Variants in APOL1 observed in about 807,000 individuals in gnomAD.
APOL1 encodes apolipoprotein L1.
A neutral mutation model predicts 14.9 loss-of-function variants in APOL1; 17 were observed. The ratio of observed to expected loss-of-function variants is 1.14; its 90% CI spans 0.78 to 1.71. The LOEUF (loss-of-function observed/expected upper bound fraction) is 1.71, where lower values mean the gene tolerates loss of function less well. Among genes scored for constraint, APOL1 ranks in the 40% most tolerant of loss-of-function variants. The pLI, the probability that APOL1 is intolerant of heterozygous loss-of-function variation, is 0.00. For synonymous variants in APOL1, 195 were observed against 184.8 expected (o/e 1.05, Z -0.45); for missense variants, 523 against 485.9 (o/e 1.08, Z -0.72).
At chr22:36,257,293 C>T (rs764858933) in intron 3 of APOL1, 26 bp from the exon 4 acceptor site, 21 of 1,612,118 alleles carry the variant, frequency 1.3e-5, no homozygotes, top group African/African-American at 8.0e-5. Context: ...ACATTTGATC[C>T]CACAATTTGT....
At chr22:36,258,898 C>A (rs932872776) in intron 4 of APOL1, among the ~76,000 whole-genome samples, 1 of 152,106 alleles carries the variant, frequency 6.6e-6, no homozygotes, top group Non-Finnish European at 1.5e-5. Context: ...TCAGACCCAG[C>A]GCCGAGTTGG....
intron 4 of APOL1, 22 bp from the exon 5 acceptor site, chr22:36,261,574 A>G (rs2016073189): frequency 1.9e-6 from 3 of 1,608,576 alleles, no homozygotes; most frequent in Non-Finnish European, 2.6e-6. Context: ...CTCCAACCTT[A>G]TCCTTTCTTC....
At chr22:36,260,252 A>T (rs2016036010) in intron 4 of APOL1, among the ~76,000 whole-genome samples, 1 of 152,124 alleles carries the variant, frequency 6.6e-6, no homozygotes, top group Admixed American at 6.6e-5. Context: ...AAAAATTACC[A>T]GGCCTGGTGG....
rs150846072 is a variant in APOL1, at chr22:36,265,409, C to T, written c.573C>T (p.Leu191=). ...GCATTTCCTCTGGCATCCTGACCCT[C>T]GTCGGCATGGGTCTGGCACCCTTCA... ...SLSISSGILT[L]VGMGLAPFTE... The change falls in exon 6 of 6, where the codon CTC becomes CTT. Residue 191 remains leucine, a synonymous_variant. Transcript: ENST00000397278. The T allele has an allele frequency of 3.0e-3, 4,909 of 1,613,798 alleles. 17 individuals carry two copies. Among genetic ancestry groups the T allele is most frequent in the East Asian group, 0.011 (500 of 44,866 alleles).
rs550188196 is a variant in APOL1, at chr22:36,260,840, C to T, written c.188-756C>T. Among the ~76,000 whole-genome samples the T allele has an allele frequency of 1.4e-4, 22 of 152,346 alleles. No homozygotes were observed. In the South Asian group the frequency reaches 3.9e-3, roughly 27 times the overall value. ...ACAAAAACAATACTCACCCCTGCTA[C>T]GCTTGGTACACTCTGATATTTTCAA... On this transcript the variant is annotated intron_variant, in intron 4 of 5. Transcript: ENST00000397278.
chr22:36,253,305 T>TC, intron 1 of APOL1, 86 bp downstream of exon 1: 1 of 278,014 alleles, frequency 3.6e-6, no homozygotes, highest in South Asian at 3.2e-5. Context: ...CTGGTTCAGA[T>TC]AGACAGGAAA....
intron 1 of APOL1, chr22:36,253,919 G>C: frequency 6.2e-7 from 1 of 1,613,780 alleles, no homozygotes; most frequent in Non-Finnish European, 8.5e-7. Flanking sequence ...TGAGAAGGGT[G>C]CGTTGCAGAA....
intron 5 of APOL1, among the ~76,000 whole-genome samples, chr22:36,262,307 G>C (rs967758437): frequency 6.6e-6 from 1 of 152,230 alleles, no homozygotes; most frequent in African/African-American, 2.4e-5. Context: ...GATGCCGAGA[G>C]GCTGGAGTGG....
intron 2 of APOL1, among the ~76,000 whole-genome samples, chr22:36,256,063 T>C (rs541522868): frequency 6.6e-6 from 1 of 152,208 alleles, no homozygotes; most frequent in Admixed American, 6.5e-5. Flanking sequence ...TAATCCTCCT[T>C]CTCCTTCGTT....
At chr22:36,259,584 C>A (rs1446438468) in intron 4 of APOL1, 1 of 1,222,554 alleles carries the variant, frequency 8.2e-7, no homozygotes, top group Non-Finnish European at 1.1e-6. Context: ...ACTCAGCCGA[C>A]CCCGGAATCC....
rs2016299971 is a variant in APOL1, at chr22:36,267,147, C to T, written c.*1114C>T. 2.0e-5 allele frequency: 3 copies of T among 152,334 alleles called. No individual in the cohort carries two copies. Among genetic ancestry groups the T allele is most frequent in the Admixed American group, 2.0e-4 (3 of 15,276 alleles). The allele number at this position is 152,334 out of a possible 1,614,324, so 9.4% of individuals were successfully genotyped here. On this transcript the variant is annotated 3_prime_UTR_variant, in exon 6 of 6. Coordinates refer to ENST00000397278, the MANE Select transcript of APOL1 (RefSeq NM_003661.4). Reference sequence around the variant, plus strand: ...GCCCTGTCTTTCCAGCATCCACTCTCCCTTGTCCTCCTGGGGGCATATCTC... The same window carrying T: ...GCCCTGTCTTTCCAGCATCCACTCTTCCTTGTCCTCCTGGGGGCATATCTC...
Position 36,267,251 on chromosome 22 carries a change from C to G in APOL1, c.*1218C>G, listed in dbSNP as rs557954004. Reference sequence around the variant, plus strand: ...GTCCCCTCCAGGTTACTAAAGGGTGCATGTCCCCTGCTTGAACACTGAAGG... The same window carrying G: ...GTCCCCTCCAGGTTACTAAAGGGTGGATGTCCCCTGCTTGAACACTGAAGG... On this transcript the variant is annotated 3_prime_UTR_variant, in exon 6 of 6. Transcript: ENST00000397278. 5 of 152,304 alleles carry G rather than the reference C, an allele frequency of 3.3e-5. No homozygotes were observed. The East Asian group carries it at 9.7e-4, about 29-fold the overall frequency. 9.4% of individuals were successfully genotyped at this position (152,304 alleles called of 1,614,324 possible).
At chr22:36,257,840 C>T (rs573672623) in intron 4 of APOL1, among the ~76,000 whole-genome samples, 2 of 152,324 alleles carry the variant, frequency 1.3e-5, no homozygotes, top group Non-Finnish European at 2.9e-5. Flanking sequence ...TGGTCCCCTC[C>T]CTCCAGCTCT....
chr22:36,259,638 C>T, intron 4 of APOL1: 19 of 1,273,040 alleles, frequency 1.5e-5, no homozygotes, highest in Non-Finnish European at 1.9e-5. Context: ...ACTCTCCCCC[C>T]AAAACAAGAT....
At position 36,261,650 on chromosome 22, in the gene APOL1, C is replaced by A. The variant is rs771615220; in HGVS notation, c.242C>A (p.Thr81Lys). Residue 81 changes from threonine (T) to lysine (K), a missense_variant, in exon 5 of 6, where the codon ACA becomes AAA. By Grantham distance (78) the Thr-to-Lys change is moderately conservative. Coordinates refer to ENST00000397278, the MANE Select transcript of APOL1 (RefSeq NM_003661.4). ...AIKYFKEKVS[T>K]QNLLLLLTDN... Reference sequence around the variant, plus strand: ...AAGTATTTCAAGGAAAAAGTGAGCACACAGAATCTGCTACTCCTGCTGACT... The same window carrying A: ...AAGTATTTCAAGGAAAAAGTGAGCAAACAGAATCTGCTACTCCTGCTGACT... 1 of 1,614,088 alleles carries A rather than the reference C, an allele frequency of 6.2e-7. No individual in the cohort carries two copies. Among genetic ancestry groups the A allele is most frequent in the Non-Finnish European group, 8.5e-7 (1 of 1,179,962 alleles).
At chr22:36,258,066 C>A (rs1215495819) in intron 4 of APOL1, among the ~76,000 whole-genome samples, 1 of 152,216 alleles carries the variant, frequency 6.6e-6, no homozygotes, top group Non-Finnish European at 1.5e-5. Context: ...TGGCCAGTGC[C>A]TGCCACACAA....
intron 2 of APOL1, among the ~76,000 whole-genome samples, chr22:36,255,233 G>A (rs1280083675): frequency 6.6e-6 from 1 of 152,228 alleles, no homozygotes; most frequent in South Asian, 2.1e-4. Context: ...CAGGGTCTGA[G>A]CCAGGCCAAC....
At chr22:36,264,829 T>C (rs2016181489) in intron 5 of APOL1, among the ~76,000 whole-genome samples, 2 of 150,160 alleles carry the variant, frequency 1.3e-5, no homozygotes, top group South Asian at 2.1e-4. Context: ...TTTTTTTTTT[T>C]TGAGTTGGAG....
chr22:36,254,737 C>T (rs945791191), intron 1 of APOL1, among the ~76,000 whole-genome samples, 200 bp from the exon 2 acceptor site: 1 of 152,064 alleles, frequency 6.6e-6, no homozygotes, highest in African/African-American at 2.4e-5. Context: ...GTGGCGGGCA[C>T]CTGTAGTCCC....
Sources: gnomAD v4.1 joint callset for allele counts (sites outside exome capture counted in the v4.1 genomes callset) on GRCh38, gnomAD v4.1.1 for gene constraint, MANE v1.5 for transcripts, NCBI Gene and HGNC (gene_info 2026-07-23, HGNC 2026-07-21) for gene names.